SND1: variants seen among roughly 807,000 people sequenced by gnomAD.
SND1 encodes staphylococcal nuclease and tudor domain containing 1, also known as staphylococcal nuclease domain-containing protein 1.
In SND1, 38 loss-of-function variants were observed where a neutral mutation model predicts 121.7. That is an observed-to-expected ratio of 0.31 (90% confidence interval 0.24 to 0.41). SND1 has a LOEUF of 0.41. SND1 is among the 10% of genes least tolerant of loss of function. The probability of loss-of-function intolerance (pLI) is 1.00; values close to 1 mark genes in which losing one functional copy is unlikely to be tolerated. For synonymous variants in SND1, 401 were observed against 447.4 expected (o/e 0.90, Z 1.31); for missense variants, 868 against 1,184.6 (o/e 0.73, Z 3.92).
chr7:128,012,413 T>TGGAAGACAGCTGCAGCTGCATTGTAAC (rs1187333705), intron 16 of SND1, among the ~76,000 whole-genome samples: 3 of 152,176 alleles, frequency 2.0e-5, no homozygotes, highest in African/African-American at 7.2e-5. Flanking sequence ...ACCAGGGCAA[T>TGGAAGACAGCTGCAGCTGCATTGTAAC]GGAAGACAGC....
intron 3 of SND1, among the ~76,000 whole-genome samples, chr7:127,695,301 A>G (rs554662518): frequency 3.3e-5 from 5 of 151,926 alleles, no homozygotes; most frequent in Admixed American, 6.6e-5. Flanking sequence ...TGTATCTTCT[A>G]TTTCTTTTAT....
intron 16 of SND1, among the ~76,000 whole-genome samples, chr7:128,012,559 C>T (rs1439577697): frequency 6.6e-6 from 1 of 152,242 alleles, no homozygotes; most frequent in Non-Finnish European, 1.5e-5. Flanking sequence ...CAGGAGTCCA[C>T]ATGCCCTCAG....
At chr7:127,922,850 C>T (rs574738422) in intron 14 of SND1, among the ~76,000 whole-genome samples, 201 of 152,308 alleles carry the variant, frequency 1.3e-3, no homozygotes, top group Non-Finnish European at 2.2e-3. Flanking sequence ...TCCAAATGTC[C>T]TCTTGACTCA....
chr7:127,909,709 G>A (rs1437672895), intron 14 of SND1, among the ~76,000 whole-genome samples: 2 of 152,138 alleles, frequency 1.3e-5, no homozygotes, highest in Non-Finnish European at 2.9e-5. Flanking sequence ...TGCTATTATA[G>A]GCATGAGCCA....
intron 12 of SND1, among the ~76,000 whole-genome samples, chr7:127,862,860 A>G (rs1361440502): frequency 3.9e-5 from 6 of 152,180 alleles, no homozygotes; most frequent in Non-Finnish European, 8.8e-5. Flanking sequence ...TGAAGCAAGA[A>G]TTTGCACTGA....
chr7:127,817,128 G>T (rs969413883), intron 11 of SND1, among the ~76,000 whole-genome samples: 5 of 152,198 alleles, frequency 3.3e-5, no homozygotes, highest in African/African-American at 1.2e-4. Flanking sequence ...CATCTCTGTT[G>T]CAAGTTGCTT....
chr7:127,928,921 C>G (rs1322450539), intron 14 of SND1, among the ~76,000 whole-genome samples: 1 of 152,198 alleles, frequency 6.6e-6, no homozygotes, highest in Non-Finnish European at 1.5e-5. Flanking sequence ...AAGATGAGCT[C>G]TTCTTGCCCC....
At chr7:127,729,988 A>G (rs1796645611) in intron 10 of SND1, among the ~76,000 whole-genome samples, 1 of 152,134 alleles carries the variant, frequency 6.6e-6, no homozygotes, top group Admixed American at 6.5e-5. Context: ...TTTGAGACGA[A>G]GTCTCGCTCT....
intron 22 of SND1, among the ~76,000 whole-genome samples, chr7:128,090,679 C>G (rs948398716): frequency 6.6e-6 from 1 of 152,340 alleles, no homozygotes; most frequent in Non-Finnish European, 1.5e-5. Flanking sequence ...TCTCCCTTCT[C>G]CCAGCCCTCC....
intron 12 of SND1, among the ~76,000 whole-genome samples, chr7:127,857,053 T>C (rs978823972): frequency 6.6e-6 from 1 of 152,142 alleles, no homozygotes; most frequent in Non-Finnish European, 1.5e-5. Flanking sequence ...TACCCCTTCC[T>C]TTCCAAAGAG....
At chr7:128,067,903 G>C (rs1793344328) in intron 16 of SND1, among the ~76,000 whole-genome samples, 1 of 78,124 alleles carries the variant, frequency 1.3e-5, no homozygotes, top group Admixed American at 1.1e-4. Flanking sequence ...GCATCCCCCT[G>C]CTGTCTTTCT....
At chr7:127,692,735 G>T (rs76620104) in intron 2 of SND1, 1 of 142,972 alleles carries the variant, frequency 7.0e-6, no homozygotes, top group East Asian at 2.1e-4. Flanking sequence ...TATTTAGGAA[G>T]GAAGATTGCA....
At chr7:127,835,820 A>G (rs1798857016) in intron 11 of SND1, among the ~76,000 whole-genome samples, 1 of 152,066 alleles carries the variant, frequency 6.6e-6, no homozygotes, top group Non-Finnish European at 1.5e-5. Flanking sequence ...TATTTAAAAT[A>G]TTGTCATTTG....
intron 10 of SND1, among the ~76,000 whole-genome samples, chr7:127,734,773 CT>C (rs1450959954): frequency 6.6e-6 from 1 of 152,180 alleles, no homozygotes; most frequent in East Asian, 1.9e-4. Context: ...CAGTAGTCTT[CT>C]GCCGAGTTCT....
rs987037196 is a variant in SND1, at chr7:128,052,416, G to A, written c.1780-22086G>A. Among the ~76,000 whole-genome samples, 4 of 152,166 alleles carry A rather than the reference G, an allele frequency of 2.6e-5. No individual in the cohort carries two copies. The highest frequency in any genetic ancestry group is 4.4e-5 in the Non-Finnish European group (3 of 68,024). ...TGACTCCACTTCATTGCCACAGCTT[G>A]TCTTCCCGCCCAGGAAAGGGTATTT... On this transcript the variant is annotated intron_variant, in intron 16 of 23. Coordinates refer to ENST00000354725, the MANE Select transcript of SND1 (RefSeq NM_014390.4). The surrounding 1 kb of genome is among the most constrained non-coding windows in gnomAD (Gnocchi z 4.6).
At chr7:127,687,620 T>C in intron 2 of SND1, among the ~76,000 whole-genome samples, 1 of 152,228 alleles carries the variant, frequency 6.6e-6, no homozygotes, top group East Asian at 1.9e-4. Context: ...GGCCTCTAGC[T>C]CCATCCATGT....
intron 13 of SND1, among the ~76,000 whole-genome samples, chr7:127,899,208 C>G (rs941630510): frequency 1.3e-5 from 2 of 152,072 alleles, no homozygotes; most frequent in African/African-American, 4.8e-5. Context: ...AAGATTAACA[C>G]ATGAAACAAT....
At chr7:127,665,211 G>A (rs992682294) in intron 1 of SND1, among the ~76,000 whole-genome samples, 11 of 150,818 alleles carry the variant, frequency 7.3e-5, no homozygotes, top group African/African-American at 2.4e-4. Flanking sequence ...TTTTGAGACG[G>A]AGTCTCACTC....
At chr7:128,077,214 A>G (rs1793520543) in intron 17 of SND1, among the ~76,000 whole-genome samples, 1 of 152,218 alleles carries the variant, frequency 6.6e-6, no homozygotes, top group African/African-American at 2.4e-5. Flanking sequence ...AGCAATGTTA[A>G]ACAGGATTTA....
Sources: allele counts gnomAD v4.1 joint callset (sites outside exome capture counted in the v4.1 genomes callset), GRCh38; gene constraint gnomAD v4.1.1; non-coding constraint Gnocchi (gnomAD v3.1); transcripts MANE v1.5; gene names NCBI Gene and HGNC (gene_info 2026-07-23, HGNC 2026-07-21).